Variants in PRDM15 observed in about 807,000 individuals in gnomAD.
PRDM15 encodes PR/SET domain 15, also known as PR domain zinc finger protein 15.
PRDM15 carries 64 observed loss-of-function variants against 128.6 expected under a neutral mutation model. The observed-to-expected ratio is 0.50, with a 90% CI of 0.41 to 0.61. PRDM15 has a LOEUF of 0.61. PRDM15 is among the 20% of genes least tolerant of loss of function. The probability of loss-of-function intolerance (pLI) is 0.00; values close to 1 mark genes in which losing one functional copy is unlikely to be tolerated. For missense variants in PRDM15, 1,242 were observed against 1,569.1 expected, an observed-to-expected ratio of 0.79 and a Z score of 3.52; for synonymous variants, 615 against 621.8, an observed-to-expected ratio of 0.99 and a Z score of 0.16.
intron 1 of PRDM15, among the ~76,000 whole-genome samples, chr21:41,860,753 A>C (rs949665792): frequency 1.3e-5 from 2 of 152,086 alleles, no homozygotes; most frequent in Admixed American, 1.3e-4. Context: ...GACAATTCCT[A>C]CTAAAGGCCT....
intron 1 of PRDM15, among the ~76,000 whole-genome samples, chr21:41,864,696 A>T (rs527412278): frequency 6.6e-6 from 1 of 151,636 alleles, no homozygotes; most frequent in Non-Finnish European, 1.5e-5. Flanking sequence ...TCTCCAGATA[A>T]CTCTTCCTCC....
At position 41,836,143 on chromosome 21, in the gene PRDM15, C is replaced by T. The variant is rs4920098; in HGVS notation, c.1248G>A (p.Gln416=). ...KLFSRKESLK[Q]HVSYKHSRNE... ...TCCTGCTGTGCTTGTAGGAAACGTGCTGCTTTAGGCTCTCTTTGCGGCTGA... is the reference window on the plus strand; with the variant it reads ...TCCTGCTGTGCTTGTAGGAAACGTGTTGCTTTAGGCTCTCTTTGCGGCTGA... The change falls in exon 10 of 24, where the codon CAG becomes CAA. Residue 416 remains glutamine, a synonymous_variant. Coordinates refer to ENST00000398548, the MANE Select transcript of PRDM15 (RefSeq NM_001040424.3). 0.59 allele frequency: 951,165 copies of T among 1,612,836 alleles called. 282,625 individuals are homozygous for T. Among genetic ancestry groups the T allele is most frequent in the Admixed American group, 0.68 (41,052 of 59,962 alleles).
At chr21:41,835,743 C>G (rs1352210363) in intron 10 of PRDM15, among the ~76,000 whole-genome samples, 2 of 152,004 alleles carry the variant, frequency 1.3e-5, no homozygotes, top group African/African-American at 4.8e-5. Context: ...CTCCAAGCAC[C>G]AAACACCCCC....
At chr21:41,834,582 C>T (rs2062807702) in intron 11 of PRDM15, 1 of 1,545,756 alleles carries the variant, frequency 6.5e-7, no homozygotes, top group Non-Finnish European at 8.7e-7. Flanking sequence ...GAGGGGGACA[C>T]AAAGGCAACA....
Position 41,810,392 on chromosome 21 carries a change from C to G in PRDM15, c.2477-63G>C. 6.5e-7 allele frequency: 1 copy of G among 1,534,216 alleles called. No homozygotes were observed. The highest frequency in any genetic ancestry group is 8.8e-7 in the Non-Finnish European group (1 of 1,132,030). On this transcript the variant is annotated intron_variant, in intron 20 of 23. Coordinates refer to ENST00000398548, the MANE Select transcript of PRDM15 (RefSeq NM_001040424.3). The surrounding 1 kb of genome is among the most constrained non-coding windows in gnomAD (Gnocchi z 6.4). ...GGAAGAGACACGCAGGTCACTAGTG[C>G]AGCCATCCCAATGACCCTGGCCTGC...
chr21:41,837,942 C>A lies in PRDM15; in HGVS notation c.993G>T (p.Ser331=). The A allele has an allele frequency of 6.2e-7, 1 of 1,614,188 alleles. No individual in the cohort carries two copies. Among genetic ancestry groups the A allele is most frequent in the South Asian group, 1.1e-5 (1 of 91,076 alleles). Residue 331 remains serine (S), a synonymous_variant, in exon 8 of 24, where the codon TCG becomes TCT. Coordinates refer to ENST00000398548, the MANE Select transcript of PRDM15 (RefSeq NM_001040424.3). ...KLATTTTDTS[S]VPKFTHHQNN... Reference sequence around the variant, plus strand: ...TGCCAGGCAGGACTTACTTTGGAACCGAGCTGGTGTCAGTGGTGGTGGTGG... The same window carrying A: ...TGCCAGGCAGGACTTACTTTGGAACAGAGCTGGTGTCAGTGGTGGTGGTGG...
chr21:41,815,634 T>C, intron 19 of PRDM15, 71 bp downstream of exon 19: 1 of 1,581,814 alleles, frequency 6.3e-7, no homozygotes, highest in South Asian at 1.1e-5. Flanking sequence ...GGCTCTCTCT[T>C]CTCCCACGGC....
chr21:41,812,105 A>T (rs989438046), intron 19 of PRDM15: 12 of 152,178 alleles, frequency 7.9e-5, no homozygotes, highest in African/African-American at 2.7e-4. Context: ...ACTCGTGCCC[A>T]CGGATTCTAA....
intron 19 of PRDM15, chr21:41,813,127 G>A (rs1445144550): frequency 2.6e-5 from 4 of 152,168 alleles, no homozygotes. Flanking sequence ...TGGACCCTAT[G>A]AATGCCCTTT....
At chr21:41,837,422 A>G (rs1401634177) in intron 8 of PRDM15, among the ~76,000 whole-genome samples, 2 of 152,248 alleles carry the variant, frequency 1.3e-5, no homozygotes, top group Non-Finnish European at 2.9e-5. Flanking sequence ...GAGCCGGGGT[A>G]GAATAAGCCA....
intron 11 of PRDM15, among the ~76,000 whole-genome samples, chr21:41,833,975 A>C (rs1274912653): frequency 6.6e-6 from 1 of 152,208 alleles, no homozygotes; most frequent in African/African-American, 2.4e-5. Flanking sequence ...TTCGCAAACA[A>C]GATGAAGGTT....
rs756926245 is a variant in PRDM15, at chr21:41,801,496, C to T, written c.3170G>A (p.Arg1057His). ...GGGGTGGATCTGGACGTCATTTTGGCGGTTGTGCAACATGGCAGAGCCGCT... is the reference window on the plus strand; with the variant it reads ...GGGGTGGATCTGGACGTCATTTTGGTGGTTGTGCAACATGGCAGAGCCGCT... ...TVSGSAMLHNRQNDVQIHPQP... is the reference protein window; with the variant it reads ...TVSGSAMLHNHQNDVQIHPQP... The change falls in exon 24 of 24, where the codon CGC (arginine) becomes CAC (histidine). Residue 1057 changes from arginine (R) to histidine (H), a missense_variant. Physicochemically the swap from Arg to His is conservative, Grantham distance 29. Around this residue, in one of 3 missense-constraint regions of PRDM15, gnomAD observed 602 missense variants for 788.3 expected, o/e 0.76. Coordinates refer to ENST00000398548, the MANE Select transcript of PRDM15 (RefSeq NM_001040424.3). The T allele has an allele frequency of 1.9e-5, 30 of 1,614,048 alleles. No homozygotes were observed. In the South Asian group the frequency reaches 2.7e-4, roughly 15 times the overall value.
At chr21:41,826,167 C>T (rs887652984) in intron 12 of PRDM15, 113 bp from the exon 13 acceptor site, 1 of 801,732 alleles carries the variant, frequency 1.2e-6, no homozygotes. Context: ...ACAGGGCTGC[C>T]CACAGTGGGG....
intron 1 of PRDM15, chr21:41,861,534 G>A: frequency 6.8e-7 from 1 of 1,475,176 alleles, no homozygotes; most frequent in Non-Finnish European, 9.3e-7. Flanking sequence ...TTCCTCCTCT[G>A]CCCCCCCCCA....
intron 21 of PRDM15, among the ~76,000 whole-genome samples, chr21:41,806,695 CCACCCATCACTACCACCAA>C (rs2061682366): frequency 7.1e-5 from 5 of 70,246 alleles, no homozygotes; most frequent in African/African-American, 1.4e-4. Flanking sequence ...ATCACCACCA[CCACCCATCACTACCACCAA>C]CATCACCACC....
In PRDM15 at chr21:41,805,809, TCCATCA is replaced by T. The variant is rs894340327; in HGVS notation, c.2653-1201_2653-1196del. Among the ~76,000 whole-genome samples the T allele has an allele frequency of 1.4e-4, 14 of 99,106 alleles. No individual in the cohort carries two copies. In the East Asian group the frequency reaches 1.9e-3, roughly 14 times the overall value. 65.0% of individuals were successfully genotyped at this position (99,106 alleles called of 152,430 possible). A position where few individuals can be genotyped will look rare whatever the true frequency, so the allele number is the denominator to read the frequency against. ...CACCACCACCACCAACACAACCACC[TCCATCA>T]CCATTACCAACACCATCACCACCAA... is the stretch of plus-strand genomic sequence containing the variant. On this transcript the variant is annotated intron_variant, in intron 21 of 23. Transcript: ENST00000398548.
rs774500577 is a variant in PRDM15, at chr21:41,861,889, A to T, written c.-9-1517T>A. 7.9e-5 allele frequency: 126 copies of T among 1,601,612 alleles called. 1 individual carries two copies. The highest frequency in any genetic ancestry group is 2.6e-6 in the Non-Finnish European group (3 of 1,169,504). The stretch of plus-strand genomic sequence containing the variant: ...GGGGAGGGGGGTGAAATTTTCTCCC[A>T]AAACAGCACTGTATCTTCTTTTCCT... On this transcript the variant is annotated intron_variant, in intron 1 of 23. Transcript: ENST00000398548.
rs370947209 is a variant in PRDM15 at position 41,815,689 on chromosome 21, C to T, written c.2392+16G>A. ...AGTGAGCGCCGTGGCTGGCGCGGCC[C>T]GGGCCTCGGACTCACCCGTGTGCCG... On this transcript the variant is annotated intron_variant, in intron 19 of 23. Transcript: ENST00000398548. 6 of 1,611,680 alleles carry T rather than the reference C, an allele frequency of 3.7e-6. No homozygotes were observed. Among genetic ancestry groups the T allele is most frequent in the South Asian group, 2.2e-5 (2 of 91,036 alleles).
rs2063526979 is a variant in PRDM15 at position 41,854,710 on chromosome 21, T to C, written c.394A>G (p.Thr132Ala). Residue 132 changes from threonine (T) to alanine (A), a missense_variant, in exon 5 of 24, where the codon ACG becomes GCG. Thr to Ala is a moderately conservative substitution (Grantham distance 58). Around this residue, in one of 3 missense-constraint regions of PRDM15, gnomAD observed 612 missense variants for 717.0 expected, o/e 0.85. Coordinates refer to ENST00000398548, the MANE Select transcript of PRDM15 (RefSeq NM_001040424.3). This position sits in a 1 kb window ranked among gnomAD's most constrained non-coding sequence, Gnocchi z 4.6. ...ACGTCGCTGCCGTGCTGGTAGGCCG[T>C]CAGGTTCTGGTGCTCGGCCTCCGCC... ...PAAEAEHQNL[T>A]AYQHGSDVYF... is the part of the protein sequence containing the mutation. The C allele has an allele frequency of 2.5e-6, 4 of 1,613,320 alleles. No individual in the cohort carries two copies. Among genetic ancestry groups the C allele is most frequent in the Non-Finnish European group, 3.4e-6 (4 of 1,179,976 alleles).
Sources: gnomAD v4.1 joint callset for allele counts (sites outside exome capture counted in the v4.1 genomes callset) on GRCh38, gnomAD v4.1.1 for gene constraint, gnomAD v4.1.1 regional missense constraint, Gnocchi (gnomAD v3.1) non-coding constraint, MANE v1.5 for transcripts, NCBI Gene and HGNC (gene_info 2026-07-23, HGNC 2026-07-21) for gene names.